ANK2: variants seen among roughly 807,000 people sequenced by gnomAD.
ANK2 encodes the protein ankyrin-2.
In ANK2, 83 loss-of-function variants were observed where a neutral mutation model predicts 360.5. That is an observed-to-expected ratio of 0.23 (90% CI 0.19 to 0.28). The LOEUF (loss-of-function observed/expected upper bound fraction) is 0.28, where lower values mean the gene tolerates loss of function less well. ANK2 is among the 10% of genes least tolerant of loss of function. The pLI, the probability that ANK2 is intolerant of heterozygous loss-of-function variation, is 1.00. For synonymous variants in ANK2, 1,740 were observed against 1,759.5 expected (o/e 0.99, Z 0.28); for missense variants, 4,201 against 4,795.7 (o/e 0.88, Z 3.66).
intron 1 of ANK2, among the ~76,000 whole-genome samples, chr4:112,890,562 T>G (rs1488978980): frequency 7.6e-6 from 1 of 131,454 alleles, no homozygotes; most frequent in Non-Finnish European, 1.6e-5. Context: ...TGTGGTTTTT[T>G]TTTTTTTTTT....
intron 1 of ANK2, among the ~76,000 whole-genome samples, chr4:113,163,065 G>T: frequency 6.6e-6 from 1 of 152,216 alleles, no homozygotes; most frequent in South Asian, 2.1e-4. Context: ...TCAACTCAGT[G>T]AGTTAAACTG....
intron 1 of ANK2, among the ~76,000 whole-genome samples, chr4:112,868,754 A>G (rs1440823753): frequency 6.6e-6 from 1 of 152,188 alleles, no homozygotes; most frequent in Non-Finnish European, 1.5e-5. Flanking sequence ...ACAGTGTATA[A>G]TGTGATGTTT....
intron 20 of ANK2, 74 bp downstream of exon 20, chr4:113,288,560 C>T (rs1012317777): frequency 2.4e-6 from 3 of 1,238,352 alleles, no homozygotes; most frequent in African/African-American, 3.0e-5. Flanking sequence ...ACTAGTTTAC[C>T]AAAGCTACAA....
chr4:112,780,362 C>T, the ANK2 span, among the ~76,000 whole-genome samples: 1 of 152,098 alleles, frequency 6.6e-6, no homozygotes, highest in South Asian at 2.1e-4. Context: ...ATTGCTGGCA[C>T]ACCAGTAAGA....
At chr4:112,915,522 G>A (rs2089445285) in intron 2 of ANK2, among the ~76,000 whole-genome samples, 3 of 152,016 alleles carry the variant, frequency 2.0e-5, no homozygotes. Context: ...AGGCCGAGTT[G>A]GGTGGATCAC....
intron 1 of ANK2, among the ~76,000 whole-genome samples, chr4:112,890,331 C>A (rs2079579304): frequency 6.6e-6 from 1 of 152,078 alleles, no homozygotes; most frequent in Admixed American, 6.6e-5. Context: ...CTTTGAAGTA[C>A]CAGATTCTAG....
At chr4:113,099,947 ATAT>A (rs1313598475) in intron 1 of ANK2, among the ~76,000 whole-genome samples, 2 of 152,088 alleles carry the variant, frequency 1.3e-5, no homozygotes, top group Non-Finnish European at 2.9e-5. Context: ...CTAGTGGCAG[ATAT>A]TATACTTTTC....
At chr4:113,172,886 T>C (rs1004029177) in intron 1 of ANK2, among the ~76,000 whole-genome samples, 1 of 152,204 alleles carries the variant, frequency 6.6e-6, no homozygotes, top group Non-Finnish European at 1.5e-5. Flanking sequence ...GAATTTAGCA[T>C]ATGCTGCAAA....
chr4:112,705,624 C>A, the ANK2 span, among the ~76,000 whole-genome samples: 577 of 152,356 alleles, frequency 3.8e-3, 6 homozygotes, highest in African/African-American at 0.013. Flanking sequence ...GAACGTCCGC[C>A]AGTGATGCGG....
In ANK2 at chr4:113,340,020, A is replaced by G. The variant is rs757471808; in HGVS notation, c.3893+698A>G. Among the ~76,000 whole-genome samples the G allele has an allele frequency of 2.0e-5, 3 of 152,244 alleles. No homozygotes were observed. The East Asian group carries it at 5.8e-4, about 29-fold the overall frequency. ...GGTGGAGGAGAAAACATAAAAGTGC[A>G]TGAATAGTTAAGTAATGGCATAGCA... On this transcript the variant is annotated intron_variant, in intron 32 of 45. Coordinates refer to ENST00000357077, the MANE Select transcript of ANK2 (RefSeq NM_001148.6).
intron 2 of ANK2, among the ~76,000 whole-genome samples, chr4:112,964,781 G>C (rs1209437874): frequency 6.6e-6 from 1 of 152,040 alleles, no homozygotes; most frequent in Non-Finnish European, 1.5e-5. Flanking sequence ...GTGTTAGCCA[G>C]GATGGTCTCG....
At chr4:113,059,254 G>T (rs111316747) in intron 1 of ANK2, among the ~76,000 whole-genome samples, 1,986 of 152,216 alleles carry the variant, frequency 0.013, 36 homozygotes, top group African/African-American at 0.045. Flanking sequence ...ACTTGTATTA[G>T]ATTGTGTATA....
At chr4:113,091,189 A>G (rs2087868860) in intron 1 of ANK2, among the ~76,000 whole-genome samples, 1 of 152,220 alleles carries the variant, frequency 6.6e-6, no homozygotes, top group South Asian at 2.1e-4. Context: ...TGCTGTTTTT[A>G]AAATACTGCT....
Position 113,115,574 on chromosome 4 carries a change from A to G in ANK2, c.85-58842A>G, listed in dbSNP as rs553290336. On this transcript the variant is annotated intron_variant, in intron 1 of 45. Coordinates refer to ENST00000357077, the MANE Select transcript of ANK2 (RefSeq NM_001148.6). ...AATGCATTTTGCTTGCTTATGGGAT[A>G]TTTTATTAATCTTAGTGCTTTCAAC... is the stretch of plus-strand genomic sequence containing the variant. Among the ~76,000 whole-genome samples the G allele has an allele frequency of 1.1e-4, 17 of 152,258 alleles. 1 individual carries two copies. The South Asian group carries it at 3.3e-3, about 30-fold the overall frequency.
intron 26 of ANK2, among the ~76,000 whole-genome samples, chr4:113,324,558 A>G (rs777878763): frequency 3.2e-4 from 48 of 152,202 alleles, no homozygotes; most frequent in Non-Finnish European, 5.9e-4. Flanking sequence ...TTGTCTTTCC[A>G]TACGTGAACA....
intron 2 of ANK2, among the ~76,000 whole-genome samples, chr4:113,043,433 C>T (rs190750637): frequency 5.4e-4 from 81 of 151,022 alleles, no homozygotes; most frequent in African/African-American, 2.0e-3. Flanking sequence ...CAACAAATAC[C>T]AGGGGCTTTA....
At chr4:113,278,432 T>C in intron 16 of ANK2, 28 bp from the exon 17 acceptor site, 1 of 1,603,920 alleles carries the variant, frequency 6.2e-7, no homozygotes, top group Non-Finnish European at 8.5e-7. Flanking sequence ...AATTTATTAA[T>C]GCTGAAACTT....
chr4:113,114,089 G>A (rs1292253456), intron 1 of ANK2, among the ~76,000 whole-genome samples: 2 of 152,110 alleles, frequency 1.3e-5, no homozygotes, highest in Admixed American at 6.6e-5. Context: ...CTTGTGATGA[G>A]TTTATTTTGT....
At chr4:113,264,722 C>CAAAA (rs11452087) in intron 13 of ANK2, among the ~76,000 whole-genome samples, 175 bp from the exon 14 acceptor site, 1 of 141,804 alleles carries the variant, frequency 7.1e-6, no homozygotes, top group Non-Finnish European at 1.5e-5. Context: ...AACTTTGTCT[C>CAAAA]AAAAAAAAAA....
Sources: gnomAD v4.1 joint callset for allele counts (sites outside exome capture counted in the v4.1 genomes callset) on GRCh38, gnomAD v4.1.1 for gene constraint, MANE v1.5 for transcripts, NCBI Gene and HGNC (gene_info 2026-07-23, HGNC 2026-07-21) for gene names.